SIK3: variants seen among roughly 807,000 people sequenced by gnomAD.
SIK3 encodes serine/threonine-protein kinase SIK3.
In SIK3, 28 loss-of-function variants were observed where a neutral mutation model predicts 144.2. That is an observed-to-expected ratio of 0.19 (90% CI 0.14 to 0.27). The LOEUF is 0.27. Ranked by LOEUF, SIK3 falls within the 10% of genes least tolerant of loss-of-function variation. SIK3 has a pLI of 1.00. For synonymous variants in SIK3, 686 were observed against 676.3 expected (o/e 1.01, Z -0.22); for missense variants, 1,319 against 1,776.0 (o/e 0.74, Z 4.62).
intron 10 of SIK3, 23 bp from the exon 11 acceptor site, chr11:116,875,290 C>T (rs757473935): frequency 8.7e-6 from 14 of 1,613,036 alleles, no homozygotes; most frequent in South Asian, 3.3e-5. Context: ...GAAACACCAT[C>T]GAGTTAGAAA....
Position 116,848,633 on chromosome 11 carries a change from G to A in SIK3, c.3819+487C>T, listed in dbSNP as rs796569395. ...ATAACCAAAACTACAGGGAACAGAT[G>A]GCAACTATTTCTGATTCTTTGGTCT... is the stretch of plus-strand genomic sequence containing the variant. On this transcript the variant is annotated intron_variant, in intron 22 of 24. Transcript: ENST00000445177. Among the ~76,000 whole-genome samples the A allele has an allele frequency of 1.4e-4, 22 of 152,284 alleles. 1 individual carries two copies. Among genetic ancestry groups the A allele is most frequent in the African/African-American group, 5.3e-4 (22 of 41,570 alleles).
intron 6 of SIK3, among the ~76,000 whole-genome samples, chr11:116,883,180 A>G (rs1015491348): frequency 2.0e-5 from 3 of 152,218 alleles, no homozygotes; most frequent in Non-Finnish European, 4.4e-5. Flanking sequence ...CATGGCTTTG[A>G]TAAGAGTCTA....
At chr11:116,906,185 T>A (rs142869190) in intron 4 of SIK3, among the ~76,000 whole-genome samples, 1 of 152,072 alleles carries the variant, frequency 6.6e-6, no homozygotes. Context: ...AGATGAGATA[T>A]TGAAAATGAA....
In SIK3 at chr11:116,965,753, ATAT is replaced by A. The variant is rs1285834544; in HGVS notation, c.274-8692_274-8690del. On this transcript the variant is annotated intron_variant, in intron 1 of 24. Coordinates refer to ENST00000445177, the MANE Select transcript of SIK3 (RefSeq NM_001366686.3). ...TGCTAAAATATATATATATATATAT[ATAT>A]ATATATATATATATATATATATATA... Among the ~76,000 whole-genome samples the A allele has an allele frequency of 6.0e-4, 27 of 45,044 alleles. 1 individual carries two copies. The highest frequency in any genetic ancestry group is 1.7e-3 in the South Asian group (3 of 1,744). 29.6% of individuals were successfully genotyped at this position (45,044 alleles called of 152,430 possible).
intron 1 of SIK3, among the ~76,000 whole-genome samples, chr11:117,024,163 A>G (rs1951913480): frequency 6.6e-6 from 1 of 152,098 alleles, no homozygotes; most frequent in Non-Finnish European, 1.5e-5. Flanking sequence ...TCTGTACCCC[A>G]CTGGGTTGTG....
chr11:116,947,518 AATATAT>A (rs139398268), intron 3 of SIK3, among the ~76,000 whole-genome samples: 1 of 132,406 alleles, frequency 7.6e-6, no homozygotes, highest in Non-Finnish European at 1.6e-5. Context: ...TAGCTAGGGA[AATATAT>A]ATATATATAT....
At chr11:116,943,370 C>T (rs1243462849) in intron 3 of SIK3, among the ~76,000 whole-genome samples, 1 of 152,140 alleles carries the variant, frequency 6.6e-6, no homozygotes, top group African/African-American at 2.4e-5. Context: ...TCGGGGCCAA[C>T]ACCTCCCATT....
chr11:116,885,482 G>C (rs1206223094), intron 6 of SIK3, among the ~76,000 whole-genome samples: 1 of 152,148 alleles, frequency 6.6e-6, no homozygotes, highest in African/African-American at 2.4e-5. Flanking sequence ...CCAAGATTTA[G>C]CTCTAGCCCA....
intron 6 of SIK3, among the ~76,000 whole-genome samples, chr11:116,883,703 A>C (rs935824132): frequency 1.3e-5 from 2 of 152,180 alleles, no homozygotes; most frequent in African/African-American, 4.8e-5. Context: ...GGAGCCCGAG[A>C]CAGGCAGATC....
At chr11:117,030,264 T>C (rs912319100) in intron 1 of SIK3, among the ~76,000 whole-genome samples, 4 of 152,212 alleles carry the variant, frequency 2.6e-5, no homozygotes, top group Admixed American at 1.3e-4. Flanking sequence ...TAAGAATGTA[T>C]TGTAAGGAAG....
chr11:116,896,127 C>T (rs1194260695), intron 6 of SIK3, 126 bp downstream of exon 6: 125 of 1,344,794 alleles, frequency 9.3e-5, no homozygotes, highest in Non-Finnish European at 8.3e-5. Context: ...GGCATCAGGT[C>T]AGCAAGCTGG....
At chr11:116,981,047 A>G (rs1950123061) in intron 1 of SIK3, among the ~76,000 whole-genome samples, 1 of 152,142 alleles carries the variant, frequency 6.6e-6, no homozygotes, top group African/African-American at 2.4e-5. Flanking sequence ...TGTAGGCTTT[A>G]TAAGACTGAT....
intron 1 of SIK3, among the ~76,000 whole-genome samples, chr11:117,019,485 T>C (rs897980165): frequency 6.6e-6 from 1 of 152,224 alleles, no homozygotes; most frequent in East Asian, 1.9e-4. Context: ...GTAGCTGTTT[T>C]ATGAGTAAAT....
At position 117,098,144 on chromosome 11, in the gene SIK3, T is replaced by A; in HGVS notation, c.272A>T (p.Lys91Met). The change falls in exon 1 of 25, where the codon AAG becomes ATG. Residue 91 changes from lysine (K) to methionine (M), a missense_variant and splice_region_variant. Lys to Met is a moderately conservative substitution (Grantham distance 95, BLOSUM62 -1). This residue lies in a region of SIK3 where 125 missense variants were observed against 285.2 expected (regional missense o/e 0.44). Transcript: ENST00000445177. Reference sequence around the variant, plus strand: ...GCCGCCTGGCCCCTGCGCCGGTACCTTGGCCTTGGTGACGAGGTGCGTGGC... The same window carrying A: ...GCCGCCTGGCCCCTGCGCCGGTACCATGGCCTTGGTGACGAGGTGCGTGGC... Reference protein sequence around the residue: ...KRATHLVTKAKVAIKIIDKTQ... With the variant: ...KRATHLVTKAMVAIKIIDKTQ... The A allele has an allele frequency of 6.7e-7, 1 of 1,490,624 alleles. No individual in the cohort carries two copies. Among genetic ancestry groups the A allele is most frequent in the Non-Finnish European group, 8.9e-7 (1 of 1,118,094 alleles). The allele number at this position is 1,490,624 out of a possible 1,614,324, so 92.3% of individuals were successfully genotyped here.
At chr11:116,876,861 A>T in intron 7 of SIK3, 63 bp downstream of exon 7, 1 of 1,333,878 alleles carries the variant, frequency 7.5e-7, no homozygotes. Context: ...GATTACAATC[A>T]CATGCAAAGG....
In SIK3 at chr11:116,867,826, A is replaced by C; in HGVS notation, c.1952+120T>G. On this transcript the variant is annotated intron_variant, in intron 15 of 24. Coordinates refer to ENST00000445177, the MANE Select transcript of SIK3 (RefSeq NM_001366686.3). This position sits in a 1 kb window ranked among gnomAD's most constrained non-coding sequence, Gnocchi z 4.1. The stretch of plus-strand genomic sequence containing the variant: ...CAAGGAGCTGAGAAGATGTGAGTTC[A>C]GGATGACAGCTGGCTTCTATTTAAA... 9.5e-7 allele frequency: 1 copy of C among 1,053,658 alleles called. No homozygotes were observed. The allele number at this position is 1,053,658 out of a possible 1,614,324, so 65.3% of individuals were successfully genotyped here.
chr11:116,929,374 G>A (rs887853301), intron 3 of SIK3, among the ~76,000 whole-genome samples: 13 of 152,172 alleles, frequency 8.5e-5, no homozygotes, highest in African/African-American at 3.1e-4. Context: ...ATGCCCAAGA[G>A]ACATTTGTCT....
chr11:116,984,948 T>C (rs149108264), intron 1 of SIK3, among the ~76,000 whole-genome samples: 3 of 152,236 alleles, frequency 2.0e-5, no homozygotes, highest in African/African-American at 7.2e-5. Flanking sequence ...AAAGGTTCTT[T>C]CAGTCACTGG....
chr11:117,017,183 G>A (rs937798331), intron 1 of SIK3, among the ~76,000 whole-genome samples: 1 of 152,210 alleles, frequency 6.6e-6, no homozygotes, highest in Non-Finnish European at 1.5e-5. Context: ...CTTCAGGCCA[G>A]GAGGCCAAGG....
Sources: gnomAD v4.1 joint callset for allele counts (sites outside exome capture counted in the v4.1 genomes callset) on GRCh38, gnomAD v4.1.1 for gene constraint, gnomAD v4.1.1 regional missense constraint, Gnocchi (gnomAD v3.1) non-coding constraint, MANE v1.5 for transcripts, NCBI Gene and HGNC (gene_info 2026-07-23, HGNC 2026-07-21) for gene names.